Variants in STPG2 observed in about 807,000 individuals in gnomAD.
STPG2 encodes the protein sperm-tail PG-rich repeat-containing protein 2.
STPG2 carries 56 observed loss-of-function variants against 54.2 expected under a neutral mutation model. That is an observed-to-expected ratio of 1.03 (90% CI 0.83 to 1.29). The LOEUF is 1.29. Ranked by LOEUF, STPG2 falls within the 50% of genes most tolerant of loss-of-function variation. The pLI is 0.00. For missense variants in STPG2, 596 were observed against 544.9 expected (o/e 1.09, Z -0.93); for synonymous variants, 200 against 181.8 (o/e 1.10, Z -0.81).
intron 8 of STPG2, among the ~76,000 whole-genome samples, chr4:97,853,177 AC>A (rs1415811651): frequency 1.3e-5 from 2 of 151,500 alleles, no homozygotes; most frequent in African/African-American, 4.8e-5. Context: ...ACGGGGTTTC[AC>A]CGTGGTCTAG....
chr4:97,957,651 C>A (rs899144812), intron 7 of STPG2, among the ~76,000 whole-genome samples: 2 of 152,064 alleles, frequency 1.3e-5, no homozygotes, highest in Non-Finnish European at 2.9e-5. Context: ...AAAAAACAAT[C>A]TTAAGAGCTG....
chr4:97,865,853 AAT>A (rs921527430), intron 8 of STPG2, among the ~76,000 whole-genome samples: 7 of 151,748 alleles, frequency 4.6e-5, no homozygotes, highest in Non-Finnish European at 1.0e-4. Context: ...GTATAATAAA[AAT>A]ATATATATAT....
intron 9 of STPG2, among the ~76,000 whole-genome samples, chr4:97,757,097 G>A (rs1004689341): frequency 1.3e-5 from 2 of 152,066 alleles, no homozygotes; most frequent in South Asian, 2.1e-4. Context: ...TGAAAGATAC[G>A]AGAAATATGA....
At chr4:97,834,435 C>A (rs1332293988) in intron 9 of STPG2, among the ~76,000 whole-genome samples, 1 of 151,986 alleles carries the variant, frequency 6.6e-6, no homozygotes, top group African/African-American at 2.4e-5. Flanking sequence ...TGCTGCAAAC[C>A]AACAGGGCAC....
chr4:97,560,579 C>T (rs1477848639), intron 10 of STPG2, among the ~76,000 whole-genome samples: 1 of 152,156 alleles, frequency 6.6e-6, no homozygotes, highest in Non-Finnish European at 1.5e-5. Context: ...TGAGTGTCCA[C>T]TGTTAAAGCC....
intron 10 of STPG2, among the ~76,000 whole-genome samples, chr4:97,702,785 C>T (rs1054505893): frequency 4.6e-5 from 7 of 152,144 alleles, no homozygotes; most frequent in Admixed American, 4.6e-4. Context: ...TGTAGGGTCC[C>T]ATTCTTTTCC....
At position 97,648,857 on chromosome 4, in the gene STPG2, C is replaced by G. The variant is rs910715826; in HGVS notation, c.1320+63842G>C. ...ATACAATGTATTATACTGTCAGCAT[C>G]TCCTTCTCTGGAAAAGACAAGTCTT... On this transcript the variant is annotated intron_variant, in intron 10 of 10. Coordinates refer to ENST00000295268, the MANE Select transcript of STPG2 (RefSeq NM_174952.3). 3.3e-5 allele frequency among the ~76,000 whole-genome samples: 5 copies of G among 152,120 alleles called. No homozygotes were observed. In the East Asian group the frequency reaches 9.7e-4, roughly 29 times the overall value.
intron 8 of STPG2, among the ~76,000 whole-genome samples, chr4:97,879,862 G>C (rs1730308220): frequency 6.6e-6 from 1 of 152,078 alleles, no homozygotes; most frequent in African/African-American, 2.4e-5. Flanking sequence ...ATATAAATTA[G>C]TACAGCCATT....
chr4:97,969,160 T>G (rs1734227757), intron 7 of STPG2, among the ~76,000 whole-genome samples: 2 of 152,192 alleles, frequency 1.3e-5, no homozygotes, highest in African/African-American at 4.8e-5. Flanking sequence ...TAGTTTCAGG[T>G]CCTGTATCTA....
At chr4:98,032,878 T>C (rs1159304205) in intron 5 of STPG2, among the ~76,000 whole-genome samples, 1 of 152,116 alleles carries the variant, frequency 6.6e-6, no homozygotes, top group Admixed American at 6.5e-5. Context: ...AGAATAAAGA[T>C]GTTATTTGAA....
chr4:97,967,557 T>C (rs548927220), intron 7 of STPG2, among the ~76,000 whole-genome samples: 2 of 152,240 alleles, frequency 1.3e-5, no homozygotes, highest in East Asian at 3.9e-4. Flanking sequence ...GAATATACAT[T>C]CTTCTCAGCA....
At chr4:97,804,292 C>A (rs1396576681) in intron 9 of STPG2, among the ~76,000 whole-genome samples, 2 of 152,010 alleles carry the variant, frequency 1.3e-5, no homozygotes, top group African/African-American at 2.4e-5. Flanking sequence ...AATGATGAAC[C>A]ACACATCCAA....
chr4:97,500,192 T>C (rs1237944724), intron 4 of STPG2, among the ~76,000 whole-genome samples: 1 of 152,004 alleles, frequency 6.6e-6, no homozygotes, highest in African/African-American at 2.4e-5. Flanking sequence ...TGTGGATGTA[T>C]TTGGAAAGTA....
intron 10 of STPG2, among the ~76,000 whole-genome samples, chr4:97,707,377 C>T (rs373326901): frequency 6.6e-6 from 1 of 151,860 alleles, no homozygotes; most frequent in African/African-American, 2.4e-5. Context: ...AAAAATTAGC[C>T]AGGTATGGTG....
chr4:97,873,898 T>G (rs912639286), intron 8 of STPG2, among the ~76,000 whole-genome samples: 12 of 151,610 alleles, frequency 7.9e-5, no homozygotes, highest in African/African-American at 2.9e-4. Context: ...TTTTTATTTT[T>G]TATTTTTTGA....
intron 8 of STPG2, among the ~76,000 whole-genome samples, chr4:97,845,138 T>C (rs1376821061): frequency 6.6e-6 from 1 of 151,878 alleles, no homozygotes; most frequent in East Asian, 1.9e-4. Context: ...TAATAGCTGA[T>C]ATTTACATAT....
chr4:97,493,811 T>C lies in STPG2; in HGVS notation c.462+218888A>G, dbSNP rs1018231299. Among the ~76,000 whole-genome samples, 3 of 151,682 alleles carry C rather than the reference T, an allele frequency of 2.0e-5. 1 individual carries two copies. In the South Asian group the frequency reaches 6.2e-4, roughly 31 times the overall value. The stretch of plus-strand genomic sequence containing the variant: ...TATTTGCTGAGATCAAAGATGAAAT[T>C]GTTTTTCCTCCTTGGTCACCCCCTA... On this transcript the variant is annotated intron_variant, in intron 4 of 4. Transcript: ENST00000522676.
intron 9 of STPG2, among the ~76,000 whole-genome samples, chr4:97,805,859 C>T (rs892934337): frequency 2.0e-5 from 3 of 151,372 alleles, no homozygotes; most frequent in African/African-American, 7.3e-5. Flanking sequence ...AAAATAGATG[C>T]TGGCAAAGCT....
intron 5 of STPG2, among the ~76,000 whole-genome samples, chr4:97,981,686 C>G (rs1368853880): frequency 6.6e-6 from 1 of 151,238 alleles, no homozygotes; most frequent in African/African-American, 2.4e-5. Context: ...TTTATGTGAT[C>G]AAATTATATT....
Sources: gnomAD v4.1 joint callset for allele counts (sites outside exome capture counted in the v4.1 genomes callset) on GRCh38, gnomAD v4.1.1 for gene constraint, MANE v1.5 for transcripts, NCBI Gene and HGNC (gene_info 2026-07-23, HGNC 2026-07-21) for gene names.